The following NPAS3 variants were observed in gnomAD, a reference collection of about 807,000 sequenced individuals.
NPAS3 encodes the protein neuronal PAS domain-containing protein 3.
Under a neutral mutation model 73.1 loss-of-function variants are expected in NPAS3, and 14 were observed. The ratio of observed to expected loss-of-function variants is 0.19; its 90% CI spans 0.13 to 0.30. NPAS3 has a LOEUF of 0.30. Ranked by LOEUF, NPAS3 falls within the 10% of genes least tolerant of loss-of-function variation. The probability of loss-of-function intolerance (pLI) is 1.00; values close to 1 mark genes in which losing one functional copy is unlikely to be tolerated. For synonymous variants in NPAS3, 620 were observed against 541.5 expected (o/e 1.14, Z -2.01); for missense variants, 1,096 against 1,250.0 (o/e 0.88, Z 1.86).
At chr14:32,946,173 A>G (rs1018100128) in intron 1 of NPAS3, among the ~76,000 whole-genome samples, 1 of 152,236 alleles carries the variant, frequency 6.6e-6, no homozygotes, top group Non-Finnish European at 1.5e-5. Flanking sequence ...ATCTGGCATT[A>G]TAATAATGGC....
chr14:33,598,644 T>C (rs572668921), intron 5 of NPAS3, among the ~76,000 whole-genome samples: 1 of 152,372 alleles, frequency 6.6e-6, no homozygotes, highest in East Asian at 1.9e-4. Flanking sequence ...GTGCTGGGAC[T>C]TTATTGTATG....
chr14:33,692,902 T>C (rs1306103050), intron 6 of NPAS3, among the ~76,000 whole-genome samples: 1 of 108,490 alleles, frequency 9.2e-6, no homozygotes. Context: ...CGTAGCAAAA[T>C]ATCAGCAGTG....
intron 3 of NPAS3, among the ~76,000 whole-genome samples, chr14:33,257,301 G>A (rs967081153): frequency 6.6e-6 from 1 of 152,146 alleles, no homozygotes; most frequent in African/African-American, 2.4e-5. Context: ...AGTCTCAGCT[G>A]ACCCTTTTCT....
chr14:33,643,444 G>A (rs1716796627), intron 5 of NPAS3, among the ~76,000 whole-genome samples: 2 of 148,680 alleles, frequency 1.3e-5, no homozygotes, highest in Non-Finnish European at 3.0e-5. Context: ...AAAGTTAGCA[G>A]CACTGCTAAA....
chr14:33,586,734 T>C (rs2056874243), intron 5 of NPAS3, among the ~76,000 whole-genome samples: 3 of 152,228 alleles, frequency 2.0e-5, no homozygotes, highest in African/African-American at 7.2e-5. Context: ...TAAAATAAAG[T>C]AGGTGAACAA....
chr14:33,212,868 G>A (rs892368019), intron 2 of NPAS3, among the ~76,000 whole-genome samples: 5 of 152,102 alleles, frequency 3.3e-5, no homozygotes, highest in East Asian at 1.9e-4. Context: ...ATAACATCAC[G>A]CGAAACTACT....
chr14:33,692,382 G>A (rs762669483), intron 6 of NPAS3, among the ~76,000 whole-genome samples: 8 of 152,096 alleles, frequency 5.3e-5, no homozygotes, highest in African/African-American at 7.2e-5. Context: ...TGAGCTTGAC[G>A]TATATTAATT....
intron 4 of NPAS3, among the ~76,000 whole-genome samples, chr14:33,503,720 A>G (rs1460593745): frequency 6.6e-6 from 1 of 151,956 alleles, no homozygotes; most frequent in Non-Finnish European, 1.5e-5. Context: ...TACTTGGGGA[A>G]AATCCAGCCC....
intron 5 of NPAS3, among the ~76,000 whole-genome samples, chr14:33,608,912 C>A (rs2057662315): frequency 6.6e-6 from 1 of 152,082 alleles, no homozygotes; most frequent in Admixed American, 6.5e-5. Context: ...ATGGAATCAC[C>A]CAGACATACG....
At chr14:33,136,301 C>T (rs549159608) in intron 2 of NPAS3, among the ~76,000 whole-genome samples, 11 of 152,012 alleles carry the variant, frequency 7.2e-5, no homozygotes, top group Non-Finnish European at 1.5e-4. Context: ...CCTCGTGATC[C>T]GCCCACCTTA....
intron 6 of NPAS3, among the ~76,000 whole-genome samples, chr14:33,718,014 G>A (rs946983344): frequency 6.7e-6 from 1 of 148,338 alleles, no homozygotes; most frequent in Non-Finnish European, 1.5e-5. Flanking sequence ...TTTTTTTTAA[G>A]TGAGTACCCA....
At chr14:33,078,453 C>A (rs1215416155) in intron 2 of NPAS3, among the ~76,000 whole-genome samples, 1 of 150,934 alleles carries the variant, frequency 6.6e-6, no homozygotes, top group East Asian at 2.0e-4. Context: ...CCTACATCAC[C>A]ATCTATGGTA....
chr14:33,502,850 A>G (rs12892862), intron 4 of NPAS3, among the ~76,000 whole-genome samples: 77,362 of 151,736 alleles, frequency 0.51, 19,987 homozygotes, highest in South Asian at 0.68. Flanking sequence ...CCGTCTCTGC[A>G]CTGCAGATTG....
intron 4 of NPAS3, among the ~76,000 whole-genome samples, chr14:33,457,630 C>G (rs2050079902): frequency 6.6e-6 from 1 of 152,152 alleles, no homozygotes; most frequent in Non-Finnish European, 1.5e-5. Flanking sequence ...GAATTTCATT[C>G]CTTCTTCTTT....
intron 9 of NPAS3, among the ~76,000 whole-genome samples, chr14:33,789,298 T>C (rs1354775189): frequency 1.3e-5 from 2 of 152,188 alleles, no homozygotes; most frequent in Non-Finnish European, 2.9e-5. Context: ...AAAGCTCCTA[T>C]AACTTGGAGG....
intron 1 of NPAS3, among the ~76,000 whole-genome samples, chr14:32,990,457 A>G (rs1340469566): frequency 2.0e-5 from 3 of 152,212 alleles, no homozygotes; most frequent in East Asian, 1.9e-4. Flanking sequence ...ACATAACTCT[A>G]TACTTAAAGT....
At chr14:33,198,497 T>G (rs867901077) in intron 2 of NPAS3, among the ~76,000 whole-genome samples, 1 of 152,168 alleles carries the variant, frequency 6.6e-6, no homozygotes, top group East Asian at 1.9e-4. Flanking sequence ...CTCACCAGAT[T>G]AACTAGACAC....
chr14:33,775,836 T>C (rs1369850991), intron 8 of NPAS3, among the ~76,000 whole-genome samples: 1 of 152,222 alleles, frequency 6.6e-6, no homozygotes, highest in Non-Finnish European at 1.5e-5. Context: ...CAGTTCCTAA[T>C]AAAGATGGCT....
chr14:32,980,110 TTCCTCTTG>T (rs1362813283), intron 1 of NPAS3, among the ~76,000 whole-genome samples: 3 of 152,206 alleles, frequency 2.0e-5, no homozygotes, highest in African/African-American at 7.2e-5. Flanking sequence ...ACTAGTACAT[TTCCTCTTG>T]TGTGTCTTAA....
Sources: gnomAD v4.1 joint callset for allele counts (sites outside exome capture counted in the v4.1 genomes callset) on GRCh38, gnomAD v4.1.1 for gene constraint, MANE v1.5 for transcripts, NCBI Gene and HGNC (gene_info 2026-07-23, HGNC 2026-07-21) for gene names.